The following FAR1 variants were observed in gnomAD, a reference collection of about 807,000 sequenced individuals.
The protein encoded by FAR1 is fatty acyl-CoA reductase 1, also known as male sterility domain-containing protein 2.
A neutral mutation model predicts 61.1 loss-of-function variants in FAR1; 22 were observed. The ratio of observed to expected loss-of-function variants is 0.36; its 90% CI spans 0.26 to 0.51. The LOEUF is 0.51. Among genes scored for constraint, FAR1 ranks in the 20% least tolerant of loss-of-function variants. FAR1 has a pLI of 0.95. For missense variants in FAR1, 359 were observed against 626.9 expected (o/e 0.57, Z 4.56); for synonymous variants, 206 against 209.7 (o/e 0.98, Z 0.15).
At chr11:13,699,797 T>C (rs1848350232) in intron 2 of FAR1, among the ~76,000 whole-genome samples, 1 of 152,212 alleles carries the variant, frequency 6.6e-6, no homozygotes, top group African/African-American at 2.4e-5. Flanking sequence ...TTACCAACTT[T>C]TTCCTTGAAC....
chr11:13,685,439 G>T, intron 1 of FAR1: 1 of 211,252 alleles, frequency 4.7e-6, no homozygotes, highest in South Asian at 8.3e-5. Context: ...AGCTTGATAT[G>T]GTAACATGGT....
intron 1 of FAR1, among the ~76,000 whole-genome samples, chr11:13,679,118 A>T (rs759827915): frequency 1.3e-5 from 2 of 152,130 alleles, no homozygotes; most frequent in South Asian, 2.1e-4. Context: ...AATTTTTTTT[A>T]GCAAAAAAGA....
In FAR1 at chr11:13,716,941, C is replaced by G. The variant is rs112471879; in HGVS notation, c.1127+2261C>G. ...TTTCTCCTAATGGTATCCCTCCCCC[C>G]TCCCCCCACCCCACGACAGGCCCCC... is the stretch of plus-strand genomic sequence containing the variant. On this transcript the variant is annotated intron_variant, in intron 9 of 11. Transcript: ENST00000354817. Among the ~76,000 whole-genome samples, 510 of 114,656 alleles carry G rather than the reference C, an allele frequency of 4.4e-3. 6 individuals carry two copies. The highest frequency in any genetic ancestry group is 0.016 in the African/African-American group (483 of 30,214). 75.2% of individuals were successfully genotyped at this position (114,656 alleles called of 152,430 possible).
rs1399824529 is a variant in FAR1 at position 13,731,938 on chromosome 11, G to T, written c.*3164G>T. ...TTGGATGGGGGAGAGCATCAGGCTG[G>T]GGTCAGGTAAGTGTAAATGGCCTTC... On this transcript the variant is annotated 3_prime_UTR_variant, in exon 12 of 12. Coordinates refer to ENST00000354817, the MANE Select transcript of FAR1 (RefSeq NM_032228.6). 1 of 152,068 alleles carries T rather than the reference G, an allele frequency of 6.6e-6. No homozygotes were observed. The highest frequency in any genetic ancestry group is 1.5e-5 in the Non-Finnish European group (1 of 68,010). The allele number at this position is 152,068 out of a possible 1,614,324, so 9.4% of individuals were successfully genotyped here. A position where few individuals can be genotyped will look rare whatever the true frequency, so the allele number is the denominator to read the frequency against.
At position 13,721,883 on chromosome 11, in the gene FAR1, T is replaced by C; in HGVS notation, c.1257+24T>C. 1.3e-6 allele frequency: 2 copies of C among 1,565,010 alleles called. No homozygotes were observed. The highest frequency in any genetic ancestry group is 2.7e-5 in the African/African-American group (2 of 72,904). ...AGGCAAGCAAGTATTTTCTGTTTTA[T>C]ATTAGAAAATAAGTAGCATACTAAT... On this transcript the variant is annotated intron_variant, in intron 10 of 11. Coordinates refer to ENST00000354817, the MANE Select transcript of FAR1 (RefSeq NM_032228.6). This position sits in a 1 kb window ranked among gnomAD's most constrained non-coding sequence, Gnocchi z 4.2.
In FAR1 at chr11:13,707,983, A is replaced by G; in HGVS notation, c.449A>G (p.His150Arg). 1 of 1,609,540 alleles carries G rather than the reference A, an allele frequency of 6.2e-7. No homozygotes were observed. The highest frequency in any genetic ancestry group is 8.5e-7 in the Non-Finnish European group (1 of 1,177,448). The part of the protein sequence containing the change: ...QQMKNLEVFM[H>R]VSTAYAYCNR... ...ATGAAGAATCTGGAAGTGTTCATGCATGTATCAACAGCATATGCCTACTGT... is the reference window on the plus strand; with the variant it reads ...ATGAAGAATCTGGAAGTGTTCATGCGTGTATCAACAGCATATGCCTACTGT... Residue 150 changes from histidine to arginine, a missense_variant, in exon 4 of 12, where the codon CAT becomes CGT. By Grantham distance (29) the His-to-Arg change is conservative. Transcript: ENST00000354817.
chr11:13,717,830 G>A (rs1848571669), intron 9 of FAR1, among the ~76,000 whole-genome samples: 1 of 152,126 alleles, frequency 6.6e-6, no homozygotes, highest in African/African-American at 2.4e-5. Context: ...CAGGTGGTGG[G>A]CTGGATTTGG....
chr11:13,689,638 A>G (rs188100127), intron 1 of FAR1, among the ~76,000 whole-genome samples: 278 of 152,256 alleles, frequency 1.8e-3, no homozygotes, highest in South Asian at 4.1e-3. Context: ...ACTTATTTCT[A>G]TTGGGTATAT....
chr11:13,678,562 C>CTT (rs899077126), intron 1 of FAR1, among the ~76,000 whole-genome samples: 4 of 152,208 alleles, frequency 2.6e-5, no homozygotes, highest in Admixed American at 1.3e-4. Flanking sequence ...GAAGGTCATG[C>CTT]TTTCTAAATC....
Position 13,731,483 on chromosome 11 carries a change from C to A in FAR1, c.*2709C>A, listed in dbSNP as rs1848725260. 1 of 152,338 alleles carries A rather than the reference C, an allele frequency of 6.6e-6. No individual in the cohort carries two copies. Among genetic ancestry groups the A allele is most frequent in the Non-Finnish European group, 1.5e-5 (1 of 67,988 alleles). The allele number at this position is 152,338 out of a possible 1,614,324, so 9.4% of individuals were successfully genotyped here. A position where few individuals can be genotyped will look rare whatever the true frequency, so the allele number is the denominator to read the frequency against. On this transcript the variant is annotated 3_prime_UTR_variant, in exon 12 of 12. Coordinates refer to ENST00000354817, the MANE Select transcript of FAR1 (RefSeq NM_032228.6). ...GTAAACCAAAAAGTAATAAATGAAT[C>A]CCTATATTTCCATTATAGTATTTAT...
At chr11:13,720,575 A>G (rs1451713962) in intron 9 of FAR1, 1 of 152,060 alleles carries the variant, frequency 6.6e-6, no homozygotes, top group African/African-American at 2.4e-5. Flanking sequence ...TTCTTCCAGT[A>G]TTCTGGATTC....
intron 1 of FAR1, among the ~76,000 whole-genome samples, chr11:13,675,358 C>T (rs564955322): frequency 1.3e-5 from 2 of 152,098 alleles, no homozygotes; most frequent in South Asian, 2.1e-4. Context: ...AAACAAGTGG[C>T]GATAGAGAGA....
chr11:13,682,023 C>T (rs1848133136), intron 1 of FAR1, among the ~76,000 whole-genome samples: 1 of 152,158 alleles, frequency 6.6e-6, no homozygotes, highest in Non-Finnish European at 1.5e-5. Flanking sequence ...CAACCCAAGC[C>T]TCATCCCTGC....
chr11:13,674,605 C>A (rs1248282928), intron 1 of FAR1, among the ~76,000 whole-genome samples: 1 of 152,140 alleles, frequency 6.6e-6, no homozygotes, highest in Non-Finnish European at 1.5e-5. Flanking sequence ...TTCCTTCTTT[C>A]CCTTCTTAAT....
chr11:13,693,132 GGAA>G (rs760268239), intron 1 of FAR1, among the ~76,000 whole-genome samples: 1 of 152,044 alleles, frequency 6.6e-6, no homozygotes, highest in African/African-American at 2.4e-5. Context: ...GGGCCACATT[GGAA>G]GAAGAATTAT....
chr11:13,701,750 G>A (rs1229106958), intron 3 of FAR1, among the ~76,000 whole-genome samples: 2 of 151,980 alleles, frequency 1.3e-5, no homozygotes, highest in African/African-American at 4.8e-5. Flanking sequence ...TCCTTTATGG[G>A]TTTTCAGTGT....
chr11:13,680,607 G>A (rs1848117023), intron 1 of FAR1, among the ~76,000 whole-genome samples: 1 of 152,178 alleles, frequency 6.6e-6, no homozygotes, highest in African/African-American at 2.4e-5. Flanking sequence ...GCATCACACA[G>A]TGAGAGAGGA....
At chr11:13,724,379 C>T (rs1848646899) in intron 10 of FAR1, among the ~76,000 whole-genome samples, 1 of 151,284 alleles carries the variant, frequency 6.6e-6, no homozygotes, top group Non-Finnish European at 1.5e-5. Context: ...GACCCTCTCT[C>T]TACAGAAAAA....
intron 3 of FAR1, among the ~76,000 whole-genome samples, chr11:13,706,833 A>ATGTT (rs1411644465): frequency 6.6e-6 from 1 of 152,132 alleles, no homozygotes; most frequent in African/African-American, 2.4e-5. Flanking sequence ...ATACTGCTAA[A>ATGTT]TGTTTGCAAG....
Sources: gnomAD v4.1 joint callset for allele counts (sites outside exome capture counted in the v4.1 genomes callset) on GRCh38, gnomAD v4.1.1 for gene constraint, Gnocchi (gnomAD v3.1) non-coding constraint, MANE v1.5 for transcripts, NCBI Gene and HGNC (gene_info 2026-07-23, HGNC 2026-07-21) for gene names.